Variants in SPAG11A observed in about 807,000 individuals in gnomAD.
SPAG11A encodes the protein sperm-associated antigen 11A.
SPAG11A carries 2 observed loss-of-function variants against 5.5 expected under a neutral mutation model. The ratio of observed to expected loss-of-function variants is 0.37; its 90% confidence interval spans 0.15 to 1.15. The LOEUF (loss-of-function observed/expected upper bound fraction) is 1.15. SPAG11A is among the 50% of genes most tolerant of loss of function. The pLI is 0.38. For missense variants in SPAG11A, 24 were observed against 122.5 expected, an observed-to-expected ratio of 0.20 and a Z score of 3.80; for synonymous variants, 11 against 42.7, an observed-to-expected ratio of 0.26 and a Z score of 2.90.
intron 2 of SPAG11A, among the ~76,000 whole-genome samples, chr8:7,857,348 T>C: frequency 1.0e-5 from 1 of 100,006 alleles, no homozygotes; most frequent in South Asian, 4.2e-4. Context: ...ACATTCAGAA[T>C]TGTCATTATT....
downstream of SPAG11A, among the ~76,000 whole-genome samples, chr8:7,863,252 A>G (rs1377240759): frequency 2.6e-4 from 1 of 3,822 alleles, no homozygotes; most frequent in African/African-American, 5.4e-4. Flanking sequence ...TTTTTTGACC[A>G]CTTGTTCTGA....
intron 2 of SPAG11A, 132 bp from the exon 3 acceptor site, chr8:7,860,514 C>T (rs1372591390): frequency 1.7e-5 from 23 of 1,349,462 alleles, no homozygotes; most frequent in African/African-American, 4.3e-5. Flanking sequence ...GGCCAAAGTT[C>T]GGTTAAACTG....
downstream of SPAG11A, among the ~76,000 whole-genome samples, chr8:7,861,477 G>A (rs1818213071): frequency 6.8e-6 from 1 of 146,362 alleles, no homozygotes; most frequent in Non-Finnish European, 1.5e-5. Context: ...CTATCAGCCA[G>A]CATTCATTCT....
chr8:7,862,394 AC>A (rs1818245526), downstream of SPAG11A: 1 of 229,310 alleles, frequency 4.4e-6, no homozygotes, highest in African/African-American at 3.6e-5. Flanking sequence ...TCACCCAAGG[AC>A]CAAGGGGTCT....
chr8:7,859,940 A>C (rs1352697229), intron 2 of SPAG11A, among the ~76,000 whole-genome samples: 3 of 147,232 alleles, frequency 2.0e-5, no homozygotes, highest in Non-Finnish European at 4.5e-5. Flanking sequence ...GAGATGATAC[A>C]GAATCAGGGA....
chr8:7,852,094 C>G (rs1247480397), intron 2 of SPAG11A, among the ~76,000 whole-genome samples: 2 of 138,378 alleles, frequency 1.4e-5, no homozygotes, highest in African/African-American at 5.3e-5. Context: ...TTCAATTAGT[C>G]CATGGTTTTC....
chr8:7,860,578 G>T (rs1206393259), intron 2 of SPAG11A, 68 bp from the exon 3 acceptor site: 2 of 1,386,298 alleles, frequency 1.4e-6, no homozygotes, highest in African/African-American at 2.9e-5. Flanking sequence ...TTGGCAGTGG[G>T]CTGGGTTCAT....
At chr8:7,852,518 A>T (rs1381534378) in intron 2 of SPAG11A, among the ~76,000 whole-genome samples, 2 of 152,164 alleles carry the variant, frequency 1.3e-5, no homozygotes, top group East Asian at 1.9e-4. Context: ...TTTTTAGTAG[A>T]GACGGGGTTT....
chr8:7,857,447 T>C (rs200277534), intron 2 of SPAG11A, among the ~76,000 whole-genome samples: 34 of 84,222 alleles, frequency 4.0e-4, no homozygotes, highest in African/African-American at 7.8e-4. Context: ...TTCTTTCTTT[T>C]TTTTTTTTTT....
chr8:7,861,548 A>T (rs1818218257), downstream of SPAG11A, among the ~76,000 whole-genome samples: 1 of 144,690 alleles, frequency 6.9e-6, no homozygotes, highest in Admixed American at 6.9e-5. Context: ...GCCCCTGTTC[A>T]TGGAGATTCC....
chr8:7,852,571 G>A (rs1439958287), intron 2 of SPAG11A, among the ~76,000 whole-genome samples: 1 of 147,684 alleles, frequency 6.8e-6, no homozygotes, highest in African/African-American at 2.4e-5. Flanking sequence ...GACCTCAGGT[G>A]ATCTGTCCGC....
downstream of SPAG11A, among the ~76,000 whole-genome samples, chr8:7,863,253 C>CTTTTTTTTTTTTTTTTTTTTTTTTTT (rs1818268113): frequency 8.3e-5 from 1 of 11,994 alleles, no homozygotes; most frequent in Non-Finnish European, 1.7e-4. Context: ...TTTTTGACCA[C>CTTTTTTTTTTTTTTTTTTTTTTTTTT]TTGTTCTGAA....
downstream of SPAG11A, among the ~76,000 whole-genome samples, chr8:7,861,287 G>A (rs571700162): frequency 5.1e-5 from 7 of 137,252 alleles, no homozygotes; most frequent in African/African-American, 1.0e-4. Flanking sequence ...CATTTCAGTA[G>A]GATAGTGTTG....
chr8:7,860,028 T>TTGCTGCTGCTGTTGTTGCTGC (rs1226228888), intron 2 of SPAG11A, among the ~76,000 whole-genome samples: 1 of 150,510 alleles, frequency 6.6e-6, no homozygotes, highest in African/African-American at 2.5e-5. Context: ...GCTGTTGTTG[T>TTGCTGCTGCTGTTGTTGCTGC]TGTTGCTGCT....
chr8:7,858,746 C>T (rs1585710185), intron 2 of SPAG11A, among the ~76,000 whole-genome samples: 1 of 26,304 alleles, frequency 3.8e-5, no homozygotes, highest in African/African-American at 7.4e-5. Flanking sequence ...CTACAATGAA[C>T]GTTCGTGCAC....
At chr8:7,860,123 A>T (rs1213414227) in intron 2 of SPAG11A, among the ~76,000 whole-genome samples, 2 of 149,030 alleles carry the variant, frequency 1.3e-5, no homozygotes, top group East Asian at 2.1e-4. Flanking sequence ...TCTCTTGCCC[A>T]ATGTCCTGTT....
chr8:7,852,500 A>T (rs1341191848), intron 2 of SPAG11A, among the ~76,000 whole-genome samples: 1 of 152,052 alleles, frequency 6.6e-6, no homozygotes, highest in African/African-American at 2.4e-5. Flanking sequence ...TGCCTGGCTA[A>T]TTTTGTATTT....
chr8:7,860,656 A>G (rs1818181928), exon 3 of SPAG11A: 1 of 1,458,432 alleles, frequency 6.9e-7, no homozygotes. Context: ...GGGATGTTCC[A>G]CTGGGAATTA....
rs761180753 is a variant in SPAG11A at position 7,860,620 on chromosome 8, TC to T, written c.215-25del. ...TTCTCTGCACTATATGAGTTAAATG[TC>T]AACTCTCTTCTGTTGTATCCATAGG... On this transcript the variant is annotated intron_variant, in intron 2 of 2. Transcript: ENST00000642566. 3 of 1,411,610 alleles carry T rather than the reference TC, an allele frequency of 2.1e-6. No homozygotes were observed. The African/African-American group carries it at 4.2e-5, about 20-fold the overall frequency. The allele number at this position is 1,411,610 out of a possible 1,614,324, so 87.4% of individuals were successfully genotyped here.
Sources: gnomAD v4.1 joint callset for allele counts (sites outside exome capture counted in the v4.1 genomes callset) on GRCh38, gnomAD v4.1.1 for gene constraint, MANE v1.5 for transcripts, NCBI Gene and HGNC (gene_info 2026-07-23, HGNC 2026-07-21) for gene names.